The following GSE1 variants were observed in gnomAD, a reference collection of about 807,000 sequenced individuals.
GSE1 encodes Gse1 coiled-coil protein, also known as genetic suppressor element 1.
A neutral mutation model predicts 112.6 loss-of-function variants in GSE1; 32 were observed. The ratio of observed to expected loss-of-function variants is 0.28; its 90% confidence interval spans 0.21 to 0.38. The LOEUF is 0.38. Ranked by LOEUF, GSE1 falls within the 10% of genes least tolerant of loss-of-function variation. The pLI, the probability that GSE1 is intolerant of heterozygous loss-of-function variation, is 1.00. For synonymous variants in GSE1, 1,115 were observed against 735.6 expected, an observed-to-expected ratio of 1.52 and a Z score of -8.35; for missense variants, 2,348 against 1,699.2, an observed-to-expected ratio of 1.38 and a Z score of -6.71.
intron 1 of GSE1, among the ~76,000 whole-genome samples, chr16:85,200,816 C>T (rs938441925): frequency 6.6e-6 from 1 of 152,156 alleles, no homozygotes; most frequent in Admixed American, 6.5e-5. Flanking sequence ...CAGTGCTGTG[C>T]AGCCACCACC....
chr16:85,243,645 A>G (rs1040887779), intron 1 of GSE1, among the ~76,000 whole-genome samples: 13 of 152,220 alleles, frequency 8.5e-5, no homozygotes, highest in Non-Finnish European at 1.6e-4. Flanking sequence ...GTGGAGGAGC[A>G]CGGAGCAGGC....
At chr16:85,240,776 G>T (rs755419058) in intron 1 of GSE1, among the ~76,000 whole-genome samples, 1 of 152,194 alleles carries the variant, frequency 6.6e-6, no homozygotes, top group African/African-American at 2.4e-5. Flanking sequence ...TCAGGACTTC[G>T]TCTCTCTTGG....
intron 2 of GSE1, among the ~76,000 whole-genome samples, chr16:85,638,072 G>C (rs1230013654): frequency 1.3e-5 from 2 of 152,202 alleles, no homozygotes; most frequent in Non-Finnish European, 2.9e-5. Flanking sequence ...CCTGCGGCAA[G>C]CCTTCTCACT....
chr16:85,655,669 G>A, intron 5 of GSE1, 57 bp from the exon 6 acceptor site: 1 of 1,217,870 alleles, frequency 8.2e-7, no homozygotes. Flanking sequence ...CCTGTCGACA[G>A]GGCTGGGTCT....
exon 1 of GSE1, chr16:85,171,405 C>T (rs1469505171): frequency 2.7e-5 from 27 of 985,506 alleles, no homozygotes; most frequent in Non-Finnish European, 2.5e-5. Flanking sequence ...CCTTCCTCAC[C>T]GTGTACCCGC....
rs765115585 is a variant in GSE1 at position 85,478,907 on chromosome 16, C to CTT, written c.2464+121266_2464+121267dup. On this transcript the variant is annotated intron_variant, in intron 2 of 2. Coordinates refer to the GSE1 transcript ENST00000637419. The stretch of plus-strand genomic sequence containing the variant: ...TCTTTCTTTCTTTCTTTCTTTCTTT[C>CTT]TTTCTTTCTTTCTTTCTTTCTCTTT... Among the ~76,000 whole-genome samples the CTT allele has an allele frequency of 9.8e-3, 500 of 50,978 alleles. 9 individuals are homozygous for CTT. The highest frequency in any genetic ancestry group is 0.019 in the Middle Eastern group (2 of 108). The allele number at this position is 50,978 out of a possible 152,430, so 33.4% of individuals were successfully genotyped here.
At chr16:85,624,399 A>C (rs2048934175) in intron 1 of GSE1, among the ~76,000 whole-genome samples, 1 of 152,204 alleles carries the variant, frequency 6.6e-6, no homozygotes, top group South Asian at 2.1e-4. Flanking sequence ...CCTCTGGCTG[A>C]GAGCTGTGGG....
chr16:85,643,535 G>A (rs1037793085), intron 2 of GSE1, among the ~76,000 whole-genome samples: 1 of 152,152 alleles, frequency 6.6e-6, no homozygotes, highest in Non-Finnish European at 1.5e-5. Flanking sequence ...TTAGAAACGA[G>A]GCTCATTCAG....
intron 1 of GSE1, among the ~76,000 whole-genome samples, chr16:85,197,130 A>G (rs561088086): frequency 3.3e-5 from 5 of 152,292 alleles, no homozygotes; most frequent in African/African-American, 1.2e-4. Flanking sequence ...CACAGAGACA[A>G]CAAGACCTGG....
At chr16:85,190,715 A>G (rs551078394) in intron 1 of GSE1, among the ~76,000 whole-genome samples, 121 of 152,360 alleles carry the variant, frequency 7.9e-4, no homozygotes, top group African/African-American at 2.8e-3. Flanking sequence ...ATCAGCCAAG[A>G]CTGTCCCTCT....
chr16:85,460,365 T>G (rs2049938145), intron 2 of GSE1, among the ~76,000 whole-genome samples: 1 of 152,178 alleles, frequency 6.6e-6, no homozygotes, highest in African/African-American at 2.4e-5. Context: ...GGTATTTTCT[T>G]AAACTTCCCG....
intron 2 of GSE1, among the ~76,000 whole-genome samples, chr16:85,422,673 G>A (rs2083336450): frequency 6.6e-6 from 1 of 152,198 alleles, no homozygotes; most frequent in South Asian, 2.1e-4. Context: ...TGACCTGAAG[G>A]AGGCGAGAGG....
chr16:85,220,704 C>G (rs1387252715), intron 1 of GSE1, among the ~76,000 whole-genome samples: 1 of 152,224 alleles, frequency 6.6e-6, no homozygotes, highest in Non-Finnish European at 1.5e-5. Context: ...GGCTTTGCCA[C>G]TCTCGTGCTC....
intron 1 of GSE1, among the ~76,000 whole-genome samples, chr16:85,237,054 C>T (rs920840072): frequency 4.6e-5 from 7 of 152,166 alleles, no homozygotes; most frequent in South Asian, 2.1e-4. Context: ...GGCTGGGCGC[C>T]GTGGCTCATG....
chr16:85,230,584 C>T (rs1046194764), intron 1 of GSE1, among the ~76,000 whole-genome samples: 1 of 152,216 alleles, frequency 6.6e-6, no homozygotes, highest in African/African-American at 2.4e-5. Flanking sequence ...CCAGCAGGCT[C>T]TCCTCGCATG....
At chr16:85,508,172 T>G (rs1176112645) in intron 2 of GSE1, among the ~76,000 whole-genome samples, 1 of 152,210 alleles carries the variant, frequency 6.6e-6, no homozygotes, top group Non-Finnish European at 1.5e-5. Context: ...TAGCTGGGAT[T>G]ACAGGCATGC....
At chr16:85,531,699 T>G (rs1335708565) in intron 2 of GSE1, among the ~76,000 whole-genome samples, 1 of 152,228 alleles carries the variant, frequency 6.6e-6, no homozygotes, top group East Asian at 1.9e-4. Flanking sequence ...GCCAAGGGAC[T>G]TGACGTCTGA....
intron 2 of GSE1, among the ~76,000 whole-genome samples, chr16:85,484,016 A>C (rs1216356507): frequency 6.6e-6 from 1 of 152,150 alleles, no homozygotes; most frequent in Non-Finnish European, 1.5e-5. Flanking sequence ...TGTTTTCCAG[A>C]TGGGGAAACT....
rs1271196412 is a variant in GSE1, at chr16:85,410,463, C to A, written c.2464+52820C>A. Among the ~76,000 whole-genome samples the A allele has an allele frequency of 4.7e-4, 6 of 12,730 alleles. 2 individuals carry two copies. The East Asian group carries it at 0.017, about 37-fold the overall frequency. The allele number at this position is 12,730 out of a possible 152,430, so 8.4% of individuals were successfully genotyped here. A position where few individuals can be genotyped will look rare whatever the true frequency, so the allele number is the denominator to read the frequency against. On this transcript the variant is annotated intron_variant, in intron 2 of 2. Coordinates refer to the GSE1 transcript ENST00000637419. Reference sequence around the variant, plus strand: ...TAATCCTCACTGTTACACTCAGGGCCCCCCTGGATAATGCTCACTGTTACA... The same window carrying A: ...TAATCCTCACTGTTACACTCAGGGCACCCCTGGATAATGCTCACTGTTACA...
Sources: allele counts gnomAD v4.1 joint callset (sites outside exome capture counted in the v4.1 genomes callset), GRCh38; gene constraint gnomAD v4.1.1; transcripts MANE v1.5; gene names NCBI Gene and HGNC (gene_info 2026-07-23, HGNC 2026-07-21).